The following MYH11 variants were observed in gnomAD, a reference collection of about 807,000 sequenced individuals.
MYH11 encodes the protein myosin-11.
Under a neutral mutation model 246.6 loss-of-function variants are expected in MYH11, and 80 were observed. That is an observed-to-expected ratio of 0.32 (90% confidence interval 0.27 to 0.39). The LOEUF (loss-of-function observed/expected upper bound fraction) is 0.39, where lower values mean the gene tolerates loss of function less well. Among genes scored for constraint, MYH11 ranks in the 10% least tolerant of loss-of-function variants. MYH11 has a pLI of 1.00. For synonymous variants in MYH11, 1,071 were observed against 1,015.5 expected, an observed-to-expected ratio of 1.05 and a Z score of -1.04; for missense variants, 2,158 against 2,546.8, an observed-to-expected ratio of 0.85 and a Z score of 3.29.
intron 40 of MYH11, chr16:15,711,406 GTGA>G (rs1240776056): frequency 6.6e-6 from 1 of 152,146 alleles, no homozygotes; most frequent in African/African-American, 2.4e-5. Flanking sequence ...TCAGGTCTTG[GTGA>G]TCAAGTTGTG....
chr16:15,742,838 G>A (rs892584230), intron 20 of MYH11, among the ~76,000 whole-genome samples: 2 of 151,734 alleles, frequency 1.3e-5, no homozygotes, highest in East Asian at 1.9e-4. Context: ...TTTATTTAGC[G>A]ATGGTCTTGT....
intron 8 of MYH11, among the ~76,000 whole-genome samples, chr16:15,773,654 G>A (rs1290200452): frequency 6.6e-6 from 1 of 152,090 alleles, no homozygotes; most frequent in East Asian, 1.9e-4. Flanking sequence ...CTGGTCCCCT[G>A]TTGTTTTTGT....
At chr16:15,711,528 T>C (rs943359076) in intron 40 of MYH11, among the ~76,000 whole-genome samples, 1 of 152,204 alleles carries the variant, frequency 6.6e-6, no homozygotes, top group African/African-American at 2.4e-5. Context: ...GGTATGTTTA[T>C]TTGCCGTTAT....
At chr16:15,787,758 G>A (rs985669252) in intron 4 of MYH11, among the ~76,000 whole-genome samples, 1 of 152,072 alleles carries the variant, frequency 6.6e-6, no homozygotes, top group Non-Finnish European at 1.5e-5. Context: ...GAAAGACCAG[G>A]CACAAGGCAG....
chr16:15,768,553 T>C (rs1325541971), intron 9 of MYH11, among the ~76,000 whole-genome samples: 3 of 152,268 alleles, frequency 2.0e-5, no homozygotes, highest in Non-Finnish European at 4.4e-5. Flanking sequence ...CCTATGAGAG[T>C]TCGTCATTTG....
At position 15,765,245 on chromosome 16, in the gene MYH11, G is replaced by A. The variant is rs145850019; in HGVS notation, c.1034-1354C>T. Among the ~76,000 whole-genome samples the A allele has an allele frequency of 1.7e-3, 255 of 152,184 alleles. 1 individual carries two copies. The highest frequency in any genetic ancestry group is 2.3e-3 in the South Asian group (11 of 4,818). ...GTAGATGAATGGGTGAATGATGGAC[G>A]GATGAGTAGAGGATAGATGGATGAA... On this transcript the variant is annotated intron_variant, in intron 9 of 40. Coordinates refer to ENST00000300036, the MANE Select transcript of MYH11 (RefSeq NM_002474.3).
intron 2 of MYH11, among the ~76,000 whole-genome samples, chr16:15,830,395 C>A (rs1364008697): frequency 6.6e-6 from 1 of 152,200 alleles, no homozygotes; most frequent in Admixed American, 6.5e-5. Flanking sequence ...CTGTCAATAG[C>A]AGACAGGCTT....
chr16:15,745,068 C>G, intron 20 of MYH11, 61 bp downstream of exon 20: 1 of 1,282,182 alleles, frequency 7.8e-7, no homozygotes, highest in Non-Finnish European at 1.1e-6. Context: ...AATGTGAAGG[C>G]TCCAGAGTGA....
chr16:15,833,846 AC>A (rs1351847971), intron 2 of MYH11, among the ~76,000 whole-genome samples: 1 of 152,060 alleles, frequency 6.6e-6, no homozygotes, highest in African/African-American at 2.4e-5. Flanking sequence ...GTGCTCCCCC[AC>A]CCCAACCCCT....
In MYH11 at chr16:15,724,368, G is replaced by C. The variant is rs112377790; in HGVS notation, c.4158C>G (p.Thr1386=). 2 of 1,613,976 alleles carry C rather than the reference G, an allele frequency of 1.2e-6. No homozygotes were observed. Among genetic ancestry groups the C allele is most frequent in the Non-Finnish European group, 1.7e-6 (2 of 1,180,024 alleles). Residue 1386 remains threonine, a synonymous_variant, in exon 31 of 41, where the codon ACC becomes ACG. Transcript: ENST00000300036. ...TCTTCCCCTCTTCCAGAGCTTCCACGGTGCTGGCAAAGTCCTGCAGCTTCT... is the reference window on the plus strand; with the variant it reads ...TCTTCCCCTCTTCCAGAGCTTCCACCGTGCTGGCAAAGTCCTGCAGCTTCT... The part of the protein sequence containing the change: ...SKKKLQDFAS[T]VEALEEGKKR...
In MYH11 at chr16:15,715,043, C is replaced by T. The variant is rs150860193; in HGVS notation, c.5652G>A (p.Arg1884=). ...KGNARVKQLK[R]QLEEAEEESQ... Reference sequence around the variant, plus strand: ...ACTCCTCCTCTGCCTCCTCCAGCTGCCTCTTGAGCTGCTTGACCCTGGCAT... The same window carrying T: ...ACTCCTCCTCTGCCTCCTCCAGCTGTCTCTTGAGCTGCTTGACCCTGGCAT... The change falls in exon 40 of 41, where the codon AGG becomes AGA. Residue 1884 remains arginine (R), a synonymous_variant. Coordinates refer to ENST00000300036, the MANE Select transcript of MYH11 (RefSeq NM_002474.3). The T allele has an allele frequency of 4.5e-5, 72 of 1,613,654 alleles. No homozygotes were observed. The highest frequency in any genetic ancestry group is 5.3e-5 in the Non-Finnish European group (63 of 1,180,038).
At chr16:15,835,489 G>A (rs2043866925) in intron 2 of MYH11, among the ~76,000 whole-genome samples, 1 of 152,172 alleles carries the variant, frequency 6.6e-6, no homozygotes, top group Admixed American at 6.5e-5. Context: ...GGAAAAAAAT[G>A]TGCAGGACAT....
At chr16:15,815,960 T>A (rs1189425978) in intron 3 of MYH11, among the ~76,000 whole-genome samples, 1 of 152,154 alleles carries the variant, frequency 6.6e-6, no homozygotes, top group Admixed American at 6.5e-5. Context: ...AAAAAAGTTA[T>A]TTATAACTTT....
intron 10 of MYH11, among the ~76,000 whole-genome samples, chr16:15,762,817 G>C (rs2091597605): frequency 6.6e-6 from 1 of 152,218 alleles, no homozygotes; most frequent in South Asian, 2.1e-4. Flanking sequence ...AATTGGCTCT[G>C]TCTAGGCTGT....
chr16:15,823,515 G>A, intron 2 of MYH11, 104 bp from the exon 3 acceptor site: 1 of 1,451,556 alleles, frequency 6.9e-7, no homozygotes, highest in Non-Finnish European at 9.7e-7. Context: ...ACTGGAGCTT[G>A]GAGTCTTAGT....
At chr16:15,730,967 T>G (rs2151233134) in intron 27 of MYH11, among the ~76,000 whole-genome samples, 1 of 151,810 alleles carries the variant, frequency 6.6e-6, no homozygotes, top group East Asian at 1.9e-4. Flanking sequence ...GCCATTGAAA[T>G]CAAATAATGA....
chr16:15,799,497 ACAGAGTCAGTCTCTCTTGTTTACCAC>A (rs1329196624), intron 3 of MYH11, among the ~76,000 whole-genome samples: 1 of 152,168 alleles, frequency 6.6e-6, no homozygotes, highest in Non-Finnish European at 1.5e-5. Context: ...CTACTAGATG[ACAGAGTCAGTCTCTCTTGTTTACCAC>A]CAGAGAAACC....
intron 3 of MYH11, among the ~76,000 whole-genome samples, chr16:15,813,938 T>C (rs1366783363): frequency 1.3e-5 from 2 of 151,354 alleles, no homozygotes; most frequent in Non-Finnish European, 2.9e-5. Context: ...GTGGATCACC[T>C]GAGGTCAGGA....
At chr16:15,809,741 A>G (rs1272087289) in intron 3 of MYH11, among the ~76,000 whole-genome samples, 3 of 152,046 alleles carry the variant, frequency 2.0e-5, no homozygotes, top group Admixed American at 6.5e-5. Context: ...TGAACAACAT[A>G]GCAAAACCTC....
Sources: gnomAD v4.1 joint callset for allele counts (sites outside exome capture counted in the v4.1 genomes callset) on GRCh38, gnomAD v4.1.1 for gene constraint, MANE v1.5 for transcripts, NCBI Gene and HGNC (gene_info 2026-07-23, HGNC 2026-07-21) for gene names.